The following VMP1 variants were observed in gnomAD, a reference collection of about 807,000 sequenced individuals.
VMP1 encodes ectopic P-granules autophagy protein 3 homolog.
A neutral mutation model predicts 56.0 loss-of-function variants in VMP1; 11 were observed. The ratio of observed to expected loss-of-function variants is 0.20; its 90% confidence interval spans 0.12 to 0.32. The LOEUF (loss-of-function observed/expected upper bound fraction) is 0.32, where lower values mean the gene tolerates loss of function less well. VMP1 is among the 10% of genes least tolerant of loss of function. The pLI is 1.00. For synonymous variants in VMP1, 149 were observed against 165.0 expected, an observed-to-expected ratio of 0.90 and a Z score of 0.74; for missense variants, 296 against 490.3, an observed-to-expected ratio of 0.60 and a Z score of 3.74.
At chr17:59,745,024 T>C (rs551556888) in intron 5 of VMP1, among the ~76,000 whole-genome samples, 2 of 152,348 alleles carry the variant, frequency 1.3e-5, no homozygotes, top group Admixed American at 6.5e-5. Context: ...ATTGTCATAC[T>C]CATGCTAATA....
At position 59,796,821 on chromosome 17, in the gene VMP1, G is replaced by A. The variant is rs143466502; in HGVS notation, c.715-11975G>A. ...TTCAATTGACAGTTATTATCAGTTG[G>A]CAAAATGGAAGCAATATTAAGAATA... On this transcript the variant is annotated intron_variant, in intron 7 of 11. Transcript: ENST00000262291. Among the ~76,000 whole-genome samples the A allele has an allele frequency of 4.8e-4, 73 of 152,134 alleles. 1 individual carries two copies. In the East Asian group the frequency reaches 0.013, roughly 28 times the overall value.
intron 7 of VMP1, among the ~76,000 whole-genome samples, chr17:59,786,699 G>A (rs1469021342): frequency 3.9e-5 from 6 of 152,114 alleles, no homozygotes; most frequent in Admixed American, 6.5e-5. Flanking sequence ...CAGCTTCCCT[G>A]TAACCACAGG....
chr17:59,756,115 T>C (rs7209157), intron 5 of VMP1, among the ~76,000 whole-genome samples: 22,906 of 152,094 alleles, frequency 0.15, 2,181 homozygotes, highest in African/African-American at 0.26. Flanking sequence ...GTTAAACTTG[T>C]CAGTGCCCAT....
chr17:59,723,551 C>A (rs1419646608), intron 1 of VMP1, among the ~76,000 whole-genome samples: 1 of 151,994 alleles, frequency 6.6e-6, no homozygotes, highest in African/African-American at 2.4e-5. Context: ...TTTTATTTGT[C>A]GGAGCAGAAG....
intron 5 of VMP1, among the ~76,000 whole-genome samples, chr17:59,747,617 G>T (rs1488004199): frequency 6.9e-6 from 1 of 145,422 alleles, no homozygotes. Context: ...CACCATGTTG[G>T]CCAGGCAGGT....
chr17:59,772,437 C>A (rs1035196232), intron 6 of VMP1, among the ~76,000 whole-genome samples: 5 of 152,040 alleles, frequency 3.3e-5, no homozygotes, highest in Non-Finnish European at 7.4e-5. Flanking sequence ...AACCATAAGA[C>A]AGAGCAAACT....
At chr17:59,738,784 A>G in intron 4 of VMP1, 53 bp from the exon 5 acceptor site, 7 of 1,227,894 alleles carry the variant, frequency 5.7e-6, no homozygotes, top group Non-Finnish European at 8.3e-6. Flanking sequence ...GTTTATAAAT[A>G]CCGCATTTCT....
intron 5 of VMP1, among the ~76,000 whole-genome samples, chr17:59,746,735 A>G (rs902198380): frequency 5.3e-5 from 8 of 152,204 alleles, no homozygotes; most frequent in Non-Finnish European, 8.8e-5. Flanking sequence ...GTTGCTAACC[A>G]GAAAGGAGGA....
At chr17:59,809,708 G>A (rs1281239492) in intron 8 of VMP1, among the ~76,000 whole-genome samples, 3 of 150,754 alleles carry the variant, frequency 2.0e-5, no homozygotes, top group East Asian at 2.0e-4. Context: ...GGGTTTCACC[G>A]TTTTAGCCGG....
intron 2 of VMP1, among the ~76,000 whole-genome samples, chr17:59,734,796 C>G (rs1238550446): frequency 3.3e-5 from 5 of 151,746 alleles, no homozygotes; most frequent in Non-Finnish European, 7.4e-5. Context: ...TCAGAATTTT[C>G]CATTTATTAT....
chr17:59,832,891 A>G (rs1307712764), intron 10 of VMP1, among the ~76,000 whole-genome samples: 4 of 150,998 alleles, frequency 2.6e-5, no homozygotes, highest in African/African-American at 4.9e-5. Flanking sequence ...GATTACAGGC[A>G]TGAACCACCA....
chr17:59,726,291 G>GTTTTTT (rs541555827), intron 1 of VMP1, among the ~76,000 whole-genome samples: 3 of 145,056 alleles, frequency 2.1e-5, no homozygotes, highest in Non-Finnish European at 3.0e-5. Context: ...AGTTTTTTTT[G>GTTTTTT]TTTTTTTTTT....
chr17:59,748,069 G>A (rs2035498688), intron 5 of VMP1, among the ~76,000 whole-genome samples: 1 of 151,700 alleles, frequency 6.6e-6, no homozygotes, highest in Admixed American at 6.6e-5. Flanking sequence ...GGTGGCGGGC[G>A]CCTGTAGTCC....
chr17:59,813,407 G>C (rs999826526), intron 9 of VMP1, among the ~76,000 whole-genome samples: 16 of 151,924 alleles, frequency 1.1e-4, no homozygotes, highest in African/African-American at 2.9e-4. Flanking sequence ...GAGAAACCCT[G>C]TCTCTACTAA....
rs566071784 is a variant in VMP1, at chr17:59,739,452, T to C, written c.414+505T>C. Reference sequence around the variant, plus strand: ...AAAAGTGCCCCTTCTGGGCTGGGCGTGGTGGCTCACGCCTGTAATCCCAGC... The same window carrying C: ...AAAAGTGCCCCTTCTGGGCTGGGCGCGGTGGCTCACGCCTGTAATCCCAGC... On this transcript the variant is annotated intron_variant, in intron 5 of 11. Coordinates refer to ENST00000262291, the MANE Select transcript of VMP1 (RefSeq NM_030938.5). 2.5e-3 allele frequency among the ~76,000 whole-genome samples: 368 copies of C among 150,026 alleles called. 2 individuals carry two copies. The highest frequency in any genetic ancestry group is 4.0e-3 in the Non-Finnish European group (273 of 67,490).
At chr17:59,799,683 C>T (rs1373382036) in intron 7 of VMP1, among the ~76,000 whole-genome samples, 1 of 152,090 alleles carries the variant, frequency 6.6e-6, no homozygotes, top group Admixed American at 6.6e-5. Flanking sequence ...CTTCACTTGG[C>T]CGGGCGCAGT....
At chr17:59,789,817 C>A (rs1254359406) in intron 7 of VMP1, among the ~76,000 whole-genome samples, 2 of 141,850 alleles carry the variant, frequency 1.4e-5, no homozygotes, top group East Asian at 4.1e-4. Context: ...TTCTTCCTTC[C>A]TTCCTTTCTT....
intron 7 of VMP1, among the ~76,000 whole-genome samples, chr17:59,799,945 CAAA>C (rs11288012): frequency 3.7e-4 from 41 of 110,300 alleles, no homozygotes; most frequent in Admixed American, 4.5e-4. Flanking sequence ...GACTTCCTCT[CAAA>C]AAAAAAAAAA....
Position 59,784,100 on chromosome 17 carries a change from AGTGTGTGT to A in VMP1, c.714+10251_714+10258del, listed in dbSNP as rs536985526. Among the ~76,000 whole-genome samples, 1,262 of 139,164 alleles carry A rather than the reference AGTGTGTGT, an allele frequency of 9.1e-3. 8 individuals are homozygous for A. The highest frequency in any genetic ancestry group is 0.015 in the Non-Finnish European group (993 of 65,214). 91.3% of individuals were successfully genotyped at this position (139,164 alleles called of 152,430 possible). On this transcript the variant is annotated intron_variant, in intron 7 of 11. Transcript: ENST00000262291. ...AACTGCCAGAATACCCATCAAAAAG[AGTGTGTGT>A]GTGTGTGTGTGTGTGTGTGTGTGTG...
Sources: allele counts gnomAD v4.1 joint callset (sites outside exome capture counted in the v4.1 genomes callset), GRCh38; gene constraint gnomAD v4.1.1; transcripts MANE v1.5; gene names NCBI Gene and HGNC (gene_info 2026-07-23, HGNC 2026-07-21).